The following NFIC variants were observed in gnomAD, a reference collection of about 807,000 sequenced individuals.
NFIC encodes nuclear factor I C, also known as nuclear factor 1 C-type.
NFIC carries 12 observed loss-of-function variants against 54.4 expected under a neutral mutation model. That is an observed-to-expected ratio of 0.22 (90% CI 0.14 to 0.36). NFIC has a LOEUF of 0.36. Ranked by LOEUF, NFIC falls within the 10% of genes least tolerant of loss-of-function variation. NFIC has a pLI of 1.00. For missense variants in NFIC, 575 were observed against 718.2 expected, an observed-to-expected ratio of 0.80 and a Z score of 2.28; for synonymous variants, 322 against 319.2, an observed-to-expected ratio of 1.01 and a Z score of -0.09.
At chr19:3,410,045 T>C (rs1401515262) in intron 2 of NFIC, among the ~76,000 whole-genome samples, 6 of 694 alleles carry the variant, frequency 8.6e-3, no homozygotes, top group Admixed American at 0.023. Context: ...GCGTCTCTAC[T>C]TTTTTTTTTT....
upstream of NFIC, among the ~76,000 whole-genome samples, chr19:3,365,866 C>G (rs142255475): frequency 7.6e-3 from 1,158 of 152,314 alleles, 7 homozygotes; most frequent in South Asian, 0.022. Flanking sequence ...AAGGAAGGGA[C>G]AGCTGCACAC....
intron 2 of NFIC, among the ~76,000 whole-genome samples, chr19:3,396,188 C>T (rs949652328): frequency 1.1e-4 from 17 of 152,084 alleles, no homozygotes; most frequent in African/African-American, 3.4e-4. Context: ...TGTGTGTTTC[C>T]GGGCCGGGCG....
intron 10 of NFIC, 127 bp downstream of exon 10, chr19:3,456,762 C>A: frequency 1.1e-6 from 1 of 922,616 alleles, no homozygotes; most frequent in Admixed American, 2.2e-5. Flanking sequence ...GCCAGCCTCC[C>A]ACACCCCACC....
intron 1 of NFIC, among the ~76,000 whole-genome samples, chr19:3,367,202 C>A (rs1262743804): frequency 3.3e-5 from 5 of 152,234 alleles, no homozygotes; most frequent in Non-Finnish European, 7.3e-5. Flanking sequence ...GGTCGCCTTT[C>A]CCTCGTTATT....
chr19:3,377,813 G>T (rs969073417), intron 1 of NFIC, among the ~76,000 whole-genome samples: 4 of 151,878 alleles, frequency 2.6e-5, no homozygotes, highest in Non-Finnish European at 2.9e-5. Context: ...GTAGAGACGG[G>T]GTTTCGACAT....
At chr19:3,374,209 T>C (rs932982714) in intron 1 of NFIC, among the ~76,000 whole-genome samples, 1 of 151,920 alleles carries the variant, frequency 6.6e-6, no homozygotes, top group Non-Finnish European at 1.5e-5. Flanking sequence ...GGGAGGTGAG[T>C]GAGGGCATCA....
intron 1 of NFIC, among the ~76,000 whole-genome samples, chr19:3,373,498 G>A (rs2081056433): frequency 6.6e-6 from 1 of 151,870 alleles, no homozygotes; most frequent in Admixed American, 6.6e-5. Flanking sequence ...TAACACGCCA[G>A]GTGCGGTCCT....
intron 2 of NFIC, chr19:3,411,110 G>A (rs7255723): frequency 0.15 from 22,689 of 151,484 alleles, 2,504 homozygotes; most frequent in African/African-American, 0.31. Flanking sequence ...TGACCTCCTG[G>A]GCTCAAGCAG....
intron 6 of NFIC, among the ~76,000 whole-genome samples, chr19:3,445,810 C>T (rs1191563979): frequency 6.6e-6 from 1 of 152,106 alleles, no homozygotes; most frequent in Non-Finnish European, 1.5e-5. Context: ...CTGGGGAGGG[C>T]CTGTACCACA....
At chr19:3,376,853 C>T (rs978134513) in intron 1 of NFIC, among the ~76,000 whole-genome samples, 3 of 151,996 alleles carry the variant, frequency 2.0e-5, no homozygotes, top group East Asian at 3.9e-4. Flanking sequence ...CTTAGCCTCC[C>T]GAGTAGCTGG....
intron 2 of NFIC, among the ~76,000 whole-genome samples, chr19:3,420,112 G>A (rs148378811): frequency 6.6e-6 from 1 of 152,220 alleles, no homozygotes; most frequent in Non-Finnish European, 1.5e-5. Context: ...CTTGAGCCCA[G>A]GAGTTCCAGA....
At chr19:3,393,974 G>A (rs11672782) in intron 2 of NFIC, among the ~76,000 whole-genome samples, 3 of 150,148 alleles carry the variant, frequency 2.0e-5, no homozygotes, top group Non-Finnish European at 3.0e-5. Flanking sequence ...ACAGAGTCTC[G>A]CTCTGTCGCC....
chr19:3,464,088 C>T lies in NFIC; in HGVS notation c.*1319C>T, dbSNP rs546164523. Reference sequence around the variant, plus strand: ...GGAAGCCGGTGCGCCCCCCACGCCTCCGCTGCCAGTGCCTTACATTCTGGA... The same window carrying T: ...GGAAGCCGGTGCGCCCCCCACGCCTTCGCTGCCAGTGCCTTACATTCTGGA... On this transcript the variant is annotated 3_prime_UTR_variant, in exon 11 of 11. Transcript: ENST00000443272. The T allele has an allele frequency of 1.3e-5, 13 of 985,206 alleles. No individual in the cohort carries two copies. The African/African-American group carries it at 1.9e-4, about 15-fold the overall frequency. The allele number at this position is 985,206 out of a possible 1,614,324, so 61.0% of individuals were successfully genotyped here. A position where few individuals can be genotyped will look rare whatever the true frequency, so the allele number is the denominator to read the frequency against.
At chr19:3,398,904 G>T (rs1368092683) in intron 2 of NFIC, among the ~76,000 whole-genome samples, 1 of 152,226 alleles carries the variant, frequency 6.6e-6, no homozygotes, top group African/African-American at 2.4e-5. Flanking sequence ...GCGAGCTGCG[G>T]ACTCCGCCCT....
rs184993142 is a variant in NFIC at position 3,385,761 on chromosome 19, C to T, written c.562+3518C>T. On this transcript the variant is annotated intron_variant, in intron 2 of 10. Transcript: ENST00000443272. ...CTAATTTTTGTATTTTTAATACGGA[C>T]GGGGTTTTGCATGTTGGCCAGGCTG... 4.6e-5 allele frequency among the ~76,000 whole-genome samples: 7 copies of T among 151,828 alleles called. No individual in the cohort carries two copies. The East Asian group carries it at 1.4e-3, about 30-fold the overall frequency.
At chr19:3,397,944 T>A (rs2081491320) in intron 2 of NFIC, among the ~76,000 whole-genome samples, 1 of 152,038 alleles carries the variant, frequency 6.6e-6, no homozygotes, top group Non-Finnish European at 1.5e-5. Flanking sequence ...AGGGTTTGGG[T>A]TTGACCTTGG....
chr19:3,424,396 G>T (rs2081996885), intron 2 of NFIC, among the ~76,000 whole-genome samples: 1 of 151,486 alleles, frequency 6.6e-6, no homozygotes, highest in Admixed American at 6.6e-5. Context: ...TGTTGCTCAG[G>T]CTGGCCTCCA....
At chr19:3,395,397 C>T (rs1361427434) in intron 2 of NFIC, among the ~76,000 whole-genome samples, 8 of 151,906 alleles carry the variant, frequency 5.3e-5, no homozygotes, top group Admixed American at 5.3e-4. Context: ...AATCACAGCT[C>T]ACTGCAGCCT....
At chr19:3,411,030 G>A (rs2081749528) in intron 2 of NFIC, 1 of 149,070 alleles carries the variant, frequency 6.7e-6, no homozygotes, top group African/African-American at 2.4e-5. Context: ...TGTTTTTTTT[G>A]AGATAGGGTC....
Sources: allele counts gnomAD v4.1 joint callset (sites outside exome capture counted in the v4.1 genomes callset), GRCh38; gene constraint gnomAD v4.1.1; transcripts MANE v1.5; gene names NCBI Gene and HGNC (gene_info 2026-07-23, HGNC 2026-07-21).